PCDHA4: variants seen among roughly 807,000 people sequenced by gnomAD.
PCDHA4 encodes the protein protocadherin alpha-4.
PCDHA4 carries 49 observed loss-of-function variants against 61.4 expected under a neutral mutation model. The ratio of observed to expected loss-of-function variants is 0.80; its 90% CI spans 0.63 to 1.01. The LOEUF (loss-of-function observed/expected upper bound fraction) is 1.01. Among genes scored for constraint, PCDHA4 ranks in the 50% least tolerant of loss-of-function variants. PCDHA4 has a pLI of 0.00. For missense variants in PCDHA4, 1,254 were observed against 1,235.8 expected, an observed-to-expected ratio of 1.01 and a Z score of -0.22; for synonymous variants, 590 against 550.3, an observed-to-expected ratio of 1.07 and a Z score of -1.01.
intron 1 of PCDHA4, chr5:140,968,417 G>T (rs1459159857): frequency 3.7e-6 from 6 of 1,614,036 alleles, no homozygotes; most frequent in Non-Finnish European, 5.1e-6. Flanking sequence ...GACTGTGGAG[G>T]CTCAGGACAA....
chr5:140,928,989 A>T (rs1554206541), intron 1 of PCDHA4: 1 of 1,613,824 alleles, frequency 6.2e-7, no homozygotes, highest in Non-Finnish European at 8.5e-7. Context: ...TGGGGTGCTT[A>T]CTTTTCTTCG....
intron 1 of PCDHA4, chr5:140,849,920 C>T (rs2041223801): frequency 6.3e-7 from 1 of 1,598,270 alleles, no homozygotes; most frequent in Non-Finnish European, 8.6e-7. Flanking sequence ...GCCACATCTT[C>T]ACGGTGTCTG....
At chr5:140,945,024 A>G (rs1554216669) in intron 1 of PCDHA4, among the ~76,000 whole-genome samples, 1 of 152,122 alleles carries the variant, frequency 6.6e-6, no homozygotes, top group Non-Finnish European at 1.5e-5. Flanking sequence ...TTTTACTCAG[A>G]CATAATTATC....
At chr5:140,996,922 A>T (rs2097752714) in intron 3 of PCDHA4, among the ~76,000 whole-genome samples, 1 of 152,198 alleles carries the variant, frequency 6.6e-6, no homozygotes, top group African/African-American at 2.4e-5. Flanking sequence ...AATATTAAAA[A>T]ATATAGCATT....
intron 1 of PCDHA4, chr5:140,811,105 C>G (rs1764793760): frequency 6.6e-6 from 1 of 152,154 alleles, no homozygotes; most frequent in Non-Finnish European, 1.5e-5. Context: ...GTTTGCTGCA[C>G]CCATCAACTC....
chr5:140,826,085 A>C (rs1768809113), intron 1 of PCDHA4, among the ~76,000 whole-genome samples: 1 of 152,198 alleles, frequency 6.6e-6, no homozygotes, highest in African/African-American at 2.4e-5. Flanking sequence ...CAATTTTATA[A>C]GTACCCTTCT....
intron 1 of PCDHA4, among the ~76,000 whole-genome samples, chr5:140,904,500 T>C (rs1454204932): frequency 6.6e-6 from 1 of 151,976 alleles, no homozygotes; most frequent in African/African-American, 2.4e-5. Flanking sequence ...ATTTTTACAA[T>C]TGTGAATTGT....
chr5:140,875,947 G>C (rs1554168112), intron 1 of PCDHA4: 1 of 1,614,184 alleles, frequency 6.2e-7, no homozygotes, highest in Admixed American at 1.7e-5. Flanking sequence ...GGGCGCTTCT[G>C]ATGCGGATAT....
intron 1 of PCDHA4, among the ~76,000 whole-genome samples, chr5:140,936,138 C>G (rs1396548448): frequency 6.6e-6 from 1 of 152,074 alleles, no homozygotes; most frequent in African/African-American, 2.4e-5. Context: ...AGTGATCTGC[C>G]CGCCTTGGCC....
At chr5:140,869,695 A>G (rs2051335232) in intron 1 of PCDHA4, 1 of 1,613,342 alleles carries the variant, frequency 6.2e-7, no homozygotes, top group African/African-American at 1.3e-5. Context: ...TATTTTAAAG[A>G]AGTCTCTGGA....
At chr5:140,982,234 A>C (rs1039012011) in intron 2 of PCDHA4, 1 of 643,856 alleles carries the variant, frequency 1.6e-6, no homozygotes. Flanking sequence ...AAAAAACAGA[A>C]TTGCCATAAA....
In PCDHA4 at chr5:141,002,285, A is replaced by C. The variant is rs2098070605; in HGVS notation, c.2534-7342A>C. On this transcript the variant is annotated intron_variant, in intron 3 of 3. Coordinates refer to ENST00000530339, the MANE Select transcript of PCDHA4 (RefSeq NM_018907.4). ...CCCAGAGCTGGTAACAAAGGGATGA[A>C]TGGGGAGCAAAGGGGCGGGGCCGAA... 4.6e-5 allele frequency among the ~76,000 whole-genome samples: 7 copies of C among 152,158 alleles called. No individual in the cohort carries two copies. In the South Asian group the frequency reaches 1.4e-3, roughly 31 times the overall value.
chr5:140,952,418 A>G (rs1563257684), intron 1 of PCDHA4, among the ~76,000 whole-genome samples: 1 of 152,090 alleles, frequency 6.6e-6, no homozygotes, highest in South Asian at 2.1e-4. Context: ...AATGTTCCGC[A>G]GATTCCTACA....
intron 1 of PCDHA4, among the ~76,000 whole-genome samples, chr5:140,973,273 C>T (rs1180418925): frequency 6.6e-6 from 1 of 152,150 alleles, no homozygotes; most frequent in Non-Finnish European, 1.5e-5. Context: ...ACTTTTATTT[C>T]CCCCAGCACT....
chr5:140,940,903 A>T (rs1177865937), intron 1 of PCDHA4, among the ~76,000 whole-genome samples: 1 of 152,242 alleles, frequency 6.6e-6, no homozygotes, highest in Admixed American at 6.5e-5. Context: ...CTTTAAATCA[A>T]GTTCAAGACT....
At chr5:140,862,635 C>G in intron 1 of PCDHA4, 1 of 538,778 alleles carries the variant, frequency 1.9e-6, no homozygotes, top group Non-Finnish European at 3.8e-6. Context: ...GCTGCCACGA[C>G]TTCACAGTGT....
chr5:140,904,901 T>C (rs782489947), intron 1 of PCDHA4, among the ~76,000 whole-genome samples: 9 of 152,224 alleles, frequency 5.9e-5, no homozygotes, highest in Non-Finnish European at 1.0e-4. Context: ...TTTGTTTTTC[T>C]TACTGATTTG....
At chr5:140,821,907 T>A in intron 1 of PCDHA4, 1 of 1,614,212 alleles carries the variant, frequency 6.2e-7, no homozygotes, top group Non-Finnish European at 8.5e-7. Flanking sequence ...GAACCTTCGT[T>A]GGCCGCATCG....
At chr5:140,991,988 C>T (rs1167776981) in intron 3 of PCDHA4, among the ~76,000 whole-genome samples, 1 of 151,478 alleles carries the variant, frequency 6.6e-6, no homozygotes, top group Non-Finnish European at 1.5e-5. Flanking sequence ...GCCTACCACC[C>T]GGTCTTTCAT....
Sources: allele counts gnomAD v4.1 joint callset (sites outside exome capture counted in the v4.1 genomes callset), GRCh38; gene constraint gnomAD v4.1.1; transcripts MANE v1.5; gene names NCBI Gene and HGNC (gene_info 2026-07-23, HGNC 2026-07-21).